TMEFF2: variants seen among roughly 807,000 people sequenced by gnomAD.
TMEFF2 encodes the protein transmembrane protein with EGF like and two follistatin like domains 2.
TMEFF2 carries 28 observed loss-of-function variants against 53.8 expected under a neutral mutation model. The observed-to-expected ratio is 0.52, with a 90% confidence interval of 0.39 to 0.71. The LOEUF (loss-of-function observed/expected upper bound fraction) is 0.71, where lower values mean the gene tolerates loss of function less well. Among genes scored for constraint, TMEFF2 ranks in the 30% least tolerant of loss-of-function variants. The probability of loss-of-function intolerance (pLI) is 0.00; values close to 1 mark genes in which losing one functional copy is unlikely to be tolerated. For synonymous variants in TMEFF2, 162 were observed against 166.3 expected (o/e 0.97, Z 0.20); for missense variants, 353 against 455.2 (o/e 0.78, Z 2.04).
Position 192,194,609 on chromosome 2 carries a change from C to A in TMEFF2, c.-85G>T. On this transcript the variant is annotated 5_prime_UTR_variant, in exon 1 of 10. Coordinates refer to ENST00000272771, the MANE Select transcript of TMEFF2 (RefSeq NM_016192.4). This position sits in a 1 kb window ranked among gnomAD's most constrained non-coding sequence, Gnocchi z 4.2. ...GCCGGGCAGCGGGCTACTGAGCATCCCGCGGACGGCGGCAGCAGAGGCGGC... is the reference window on the plus strand; with the variant it reads ...GCCGGGCAGCGGGCTACTGAGCATCACGCGGACGGCGGCAGCAGAGGCGGC... The A allele has an allele frequency of 6.6e-7, 1 of 1,505,074 alleles. No individual in the cohort carries two copies. Among genetic ancestry groups the A allele is most frequent in the South Asian group, 1.2e-5 (1 of 80,888 alleles). 93.2% of individuals were successfully genotyped at this position (1,505,074 alleles called of 1,614,324 possible).
intron 2 of TMEFF2, among the ~76,000 whole-genome samples, chr2:192,190,179 G>T (rs1363527073): frequency 6.6e-6 from 1 of 151,800 alleles, no homozygotes; most frequent in Non-Finnish European, 1.5e-5. Flanking sequence ...TCATTTCGTA[G>T]CATTCATCCC....
chr2:191,959,667 TA>T (rs1401743314), intron 7 of TMEFF2, among the ~76,000 whole-genome samples: 2 of 152,200 alleles, frequency 1.3e-5, no homozygotes, highest in Non-Finnish European at 2.9e-5. Context: ...TTCCTTTCCC[TA>T]AAAAGTTGAA....
intron 4 of TMEFF2, among the ~76,000 whole-genome samples, chr2:192,133,584 T>C (rs986383522): frequency 6.6e-6 from 1 of 152,252 alleles, no homozygotes; most frequent in Non-Finnish European, 1.5e-5. Context: ...GTTTTGCCTA[T>C]CCACCCCATG....
chr2:192,045,457 T>A (rs148362208), intron 5 of TMEFF2, among the ~76,000 whole-genome samples: 74 of 152,284 alleles, frequency 4.9e-4, no homozygotes, highest in African/African-American at 1.8e-3. Flanking sequence ...ACCATGAAGA[T>A]ATTTGTGTCC....
chr2:192,170,678 T>G (rs1039185701), intron 4 of TMEFF2, among the ~76,000 whole-genome samples: 10 of 152,026 alleles, frequency 6.6e-5, no homozygotes, highest in African/African-American at 2.4e-4. Flanking sequence ...AGAATAGGTT[T>G]GTGGAAGCAC....
At chr2:192,075,310 T>TATATATATATATAAATATAA (rs1553518817) in intron 4 of TMEFF2, among the ~76,000 whole-genome samples, 23,150 of 74,478 alleles carry the variant, frequency 0.31, 4,051 homozygotes, top group East Asian at 0.46. Context: ...TATATATATA[T>TATATATATATATAAATATAA]ATATATATAT....
chr2:192,041,001 G>C (rs1333136009), intron 5 of TMEFF2, among the ~76,000 whole-genome samples: 1 of 152,060 alleles, frequency 6.6e-6, no homozygotes, highest in African/African-American at 2.4e-5. Context: ...TAAATATAGA[G>C]CTAAAACTAT....
chr2:191,978,025 CAT>C (rs1166465663), intron 7 of TMEFF2, among the ~76,000 whole-genome samples: 14 of 152,160 alleles, frequency 9.2e-5, no homozygotes, highest in Admixed American at 5.9e-4. Context: ...AATATCCCCA[CAT>C]GTCAGCACTT....
intron 7 of TMEFF2, among the ~76,000 whole-genome samples, chr2:191,971,919 G>C (rs896205578): frequency 6.6e-6 from 1 of 152,148 alleles, no homozygotes; most frequent in Non-Finnish European, 1.5e-5. Context: ...TCATATTGAG[G>C]AAAGGAAGGA....
intron 2 of TMEFF2, among the ~76,000 whole-genome samples, chr2:192,191,587 A>C (rs1691462000): frequency 2.6e-5 from 4 of 152,174 alleles, no homozygotes; most frequent in Non-Finnish European, 5.9e-5. Flanking sequence ...CAGTCAATTC[A>C]CTTTTAAAGT....
At chr2:192,049,182 C>T (rs969595106) in intron 5 of TMEFF2, among the ~76,000 whole-genome samples, 2 of 140,906 alleles carry the variant, frequency 1.4e-5, no homozygotes, top group Non-Finnish European at 3.2e-5. Context: ...TGCATACTCA[C>T]AATATACACT....
chr2:192,101,657 T>A (rs529112242), intron 4 of TMEFF2, among the ~76,000 whole-genome samples: 29 of 152,294 alleles, frequency 1.9e-4, no homozygotes, highest in African/African-American at 7.0e-4. Flanking sequence ...ATAGGAACCC[T>A]GTGTTCTGAT....
At chr2:192,069,986 GTGTATA>G (rs1433405188) in intron 4 of TMEFF2, among the ~76,000 whole-genome samples, 8 of 11,672 alleles carry the variant, frequency 6.9e-4, no homozygotes, top group African/African-American at 1.1e-3. Context: ...GTGTGTGTGT[GTGTATA>G]TATATATATA....
At chr2:192,190,652 T>A (rs147605965) in intron 2 of TMEFF2, among the ~76,000 whole-genome samples, 218 of 152,286 alleles carry the variant, frequency 1.4e-3, no homozygotes, top group African/African-American at 5.1e-3. Context: ...GTGGTGCACT[T>A]TACAAATATC....
intron 4 of TMEFF2, among the ~76,000 whole-genome samples, chr2:192,110,755 A>G (rs751960812): frequency 1.2e-4 from 19 of 152,130 alleles, no homozygotes; most frequent in Non-Finnish European, 2.6e-4. Context: ...CATAGTTGAT[A>G]TGGTTTGGCT....
Position 191,949,256 on chromosome 2 carries a change from A to G in TMEFF2, c.*1055T>C. 1 of 985,354 alleles carries G rather than the reference A, an allele frequency of 1.0e-6. No homozygotes were observed. Among genetic ancestry groups the G allele is most frequent in the Middle Eastern group, 5.2e-4 (1 of 1,914 alleles). The allele number at this position is 985,354 out of a possible 1,614,324, so 61.0% of individuals were successfully genotyped here. ...TTCCCAGTGAGGTCTTTCAGATGCT[A>G]TAGGATTAATTTTCTTTCTTACCTC... On this transcript the variant is annotated 3_prime_UTR_variant, in exon 10 of 10. Transcript: ENST00000272771.
chr2:191,964,332 CCTTCTTTCTTTCTTT>C (rs1692370991), intron 7 of TMEFF2, among the ~76,000 whole-genome samples: 2 of 103,958 alleles, frequency 1.9e-5, no homozygotes, highest in African/African-American at 9.5e-5. Context: ...TCCTTTCTTT[CCTTCTTTCTTTCTTT>C]CTTTCTTTCT....
At chr2:192,116,072 G>C (rs1041670430) in intron 4 of TMEFF2, among the ~76,000 whole-genome samples, 3 of 151,962 alleles carry the variant, frequency 2.0e-5, no homozygotes, top group African/African-American at 7.2e-5. Context: ...GACAAGGCAT[G>C]GAAACAACTG....
chr2:192,141,003 A>AT (rs983346644), intron 4 of TMEFF2, among the ~76,000 whole-genome samples: 6 of 152,140 alleles, frequency 3.9e-5, no homozygotes, highest in Admixed American at 3.3e-4. Flanking sequence ...AGTGAGTGGG[A>AT]TGGAGTCTTT....
Sources: allele counts gnomAD v4.1 joint callset (sites outside exome capture counted in the v4.1 genomes callset), GRCh38; gene constraint gnomAD v4.1.1; non-coding constraint Gnocchi (gnomAD v3.1); transcripts MANE v1.5; gene names NCBI Gene and HGNC (gene_info 2026-07-23, HGNC 2026-07-21).